TMEM132C: variants seen among roughly 807,000 people sequenced by gnomAD.
TMEM132C encodes the protein transmembrane protein 132C.
In TMEM132C, 29 loss-of-function variants were observed where a neutral mutation model predicts 61.4. The observed-to-expected ratio is 0.47, with a 90% CI of 0.35 to 0.64. The LOEUF is 0.64. Among genes scored for constraint, TMEM132C ranks in the 30% least tolerant of loss-of-function variants. The pLI, the probability that TMEM132C is intolerant of heterozygous loss-of-function variation, is 0.00. For synonymous variants in TMEM132C, 656 were observed against 633.1 expected (o/e 1.04, Z -0.54); for missense variants, 1,408 against 1,476.9 (o/e 0.95, Z 0.76).
intron 3 of TMEM132C, among the ~76,000 whole-genome samples, chr12:128,577,063 C>T (rs1171330339): frequency 6.6e-6 from 1 of 152,162 alleles, no homozygotes; most frequent in African/African-American, 2.4e-5. Flanking sequence ...ACCCCATATC[C>T]ACTAGCAGGC....
At chr12:128,363,315 C>T (rs145741158) in intron 1 of TMEM132C, among the ~76,000 whole-genome samples, 2 of 152,246 alleles carry the variant, frequency 1.3e-5, no homozygotes, top group African/African-American at 4.8e-5. Flanking sequence ...CACTCCACTT[C>T]AACGACTTAA....
intron 2 of TMEM132C, among the ~76,000 whole-genome samples, chr12:128,531,642 G>A (rs1873310074): frequency 6.6e-6 from 1 of 152,256 alleles, no homozygotes; most frequent in Non-Finnish European, 1.5e-5. Context: ...ACTTCTCTTA[G>A]GAAGTTGCAG....
rs780629900 is a variant in TMEM132C, at chr12:128,698,465, G to C, written c.2121+1050G>C. ...CCCAGATGGTATCACAGCTGTGTCC[G>C]TTACCACCTATGTAACCTCAGGCAA... On this transcript the variant is annotated intron_variant, in intron 8 of 8. Transcript: ENST00000435159. Among the ~76,000 whole-genome samples, 3 of 152,282 alleles carry C rather than the reference G, an allele frequency of 2.0e-5. No individual in the cohort carries two copies. The South Asian group carries it at 6.2e-4, about 32-fold the overall frequency.
intron 4 of TMEM132C, among the ~76,000 whole-genome samples, chr12:128,662,763 A>T (rs1257909341): frequency 6.6e-5 from 10 of 151,980 alleles, no homozygotes; most frequent in Non-Finnish European, 1.3e-4. Flanking sequence ...CCTTTTTATT[A>T]ACTACTACCT....
chr12:128,396,276 C>T (rs537644280), intron 1 of TMEM132C, among the ~76,000 whole-genome samples: 11 of 152,130 alleles, frequency 7.2e-5, no homozygotes, highest in Middle Eastern at 3.4e-3. Context: ...TTCTCCTTTC[C>T]AACTGCTTCC....
At chr12:128,439,913 A>T (rs777871248) in intron 2 of TMEM132C, among the ~76,000 whole-genome samples, 3 of 152,152 alleles carry the variant, frequency 2.0e-5, no homozygotes, top group Non-Finnish European at 4.4e-5. Context: ...GTCATATGGG[A>T]TTGTACCCTT....
intron 2 of TMEM132C, among the ~76,000 whole-genome samples, chr12:128,541,957 C>G (rs901550717): frequency 1.3e-5 from 2 of 152,202 alleles, no homozygotes; most frequent in African/African-American, 4.8e-5. Context: ...CAGGCACCCC[C>G]AGTTCCCCAC....
At chr12:128,616,972 G>T (rs1032131646) in intron 4 of TMEM132C, among the ~76,000 whole-genome samples, 3 of 152,194 alleles carry the variant, frequency 2.0e-5, no homozygotes, top group Admixed American at 6.5e-5. Flanking sequence ...AGGATTATAA[G>T]AAAATGGATT....
intron 1 of TMEM132C, among the ~76,000 whole-genome samples, chr12:128,332,072 A>G (rs1872678256): frequency 6.6e-6 from 1 of 152,192 alleles, no homozygotes. Context: ...TATGGGACAT[A>G]TGATGATGCC....
intron 2 of TMEM132C, among the ~76,000 whole-genome samples, chr12:128,487,195 GGT>G: frequency 6.6e-6 from 1 of 152,226 alleles, no homozygotes; most frequent in East Asian, 1.9e-4. Flanking sequence ...GTGCCCCGCC[GGT>G]GTCTGGTTCC....
chr12:128,504,985 G>T (rs982760187), intron 2 of TMEM132C, among the ~76,000 whole-genome samples: 1 of 151,694 alleles, frequency 6.6e-6, no homozygotes, highest in Non-Finnish European at 1.5e-5. Flanking sequence ...ACTACTTTAC[G>T]TAGTAAGTAA....
Position 128,402,516 on chromosome 12 carries a change from C to T in TMEM132C, c.86-12216C>T, listed in dbSNP as rs114090332. On this transcript the variant is annotated intron_variant, in intron 1 of 8. Coordinates refer to ENST00000435159, the MANE Select transcript of TMEM132C (RefSeq NM_001136103.3). ...AATACATATGTGTTGTTTTAAATGGCTAAGTTTGTAGTAATTCGTTCCAGC... is the reference window on the plus strand; with the variant it reads ...AATACATATGTGTTGTTTTAAATGGTTAAGTTTGTAGTAATTCGTTCCAGC... Among the ~76,000 whole-genome samples, 1,289 of 152,264 alleles carry T rather than the reference C, an allele frequency of 8.5e-3. 12 individuals carry two copies. Among genetic ancestry groups the T allele is most frequent in the African/African-American group, 0.027 (1,133 of 41,542 alleles).
intron 5 of TMEM132C, among the ~76,000 whole-genome samples, chr12:128,672,279 G>A (rs1954539794): frequency 6.6e-6 from 1 of 151,968 alleles, no homozygotes; most frequent in Non-Finnish European, 1.5e-5. Context: ...TTGGTCACTG[G>A]CCTTTGTCAC....
intron 1 of TMEM132C, among the ~76,000 whole-genome samples, chr12:128,348,329 AT>A (rs1873236311): frequency 6.6e-6 from 1 of 152,178 alleles, no homozygotes; most frequent in South Asian, 2.1e-4. Flanking sequence ...ATTTTTCTTT[AT>A]GGATTCCTTA....
intron 1 of TMEM132C, among the ~76,000 whole-genome samples, chr12:128,396,302 A>C (rs911635151): frequency 1.3e-4 from 20 of 152,176 alleles, no homozygotes; most frequent in Non-Finnish European, 1.5e-4. Flanking sequence ...ATAGTAAAAA[A>C]ATAATAGGTA....
chr12:128,355,297 G>T (rs993338913), intron 1 of TMEM132C, among the ~76,000 whole-genome samples: 29 of 152,248 alleles, frequency 1.9e-4, no homozygotes, highest in African/African-American at 7.0e-4. Context: ...CTCTCTGCAG[G>T]GTTCAGCATG....
chr12:128,469,722 G>GTATA (rs201870300), intron 2 of TMEM132C, among the ~76,000 whole-genome samples: 2 of 150,922 alleles, frequency 1.3e-5, no homozygotes, highest in African/African-American at 4.9e-5. Flanking sequence ...ATGTGTGTGT[G>GTATA]TATATATATA....
At position 128,267,434 on chromosome 12, in the gene TMEM132C, C is replaced by T. The variant is rs1331017220; in HGVS notation, c.32C>T (p.Ala11Val). 1.6e-6 allele frequency: 2 copies of T among 1,246,952 alleles called. No homozygotes were observed. Among genetic ancestry groups the T allele is most frequent in the Non-Finnish European group, 2.0e-6 (2 of 996,792 alleles). 77.2% of individuals were successfully genotyped at this position (1,246,952 alleles called of 1,614,324 possible). A position where few individuals can be genotyped will look rare whatever the true frequency, so the allele number is the denominator to read the frequency against. The change falls in exon 1 of 9, where the codon GCG (alanine) becomes GTG (valine). Residue 11 changes from alanine to valine, a missense_variant. Transcript: ENST00000435159. MRSEGAAPGP[A>V]APLCGALSLL... ...TCCGAGGGTGCGGCCCCCGGGCCGGCGGCGCCGCTGTGCGGGGCGCTGAGC... is the reference window on the plus strand; with the variant it reads ...TCCGAGGGTGCGGCCCCCGGGCCGGTGGCGCCGCTGTGCGGGGCGCTGAGC...
intron 3 of TMEM132C, among the ~76,000 whole-genome samples, chr12:128,581,249 G>A (rs959885546): frequency 1.3e-5 from 2 of 151,844 alleles, no homozygotes; most frequent in Admixed American, 6.6e-5. Context: ...TCCCCATTCC[G>A]GGAATCTTTT....
Sources: allele counts gnomAD v4.1 joint callset (sites outside exome capture counted in the v4.1 genomes callset), GRCh38; gene constraint gnomAD v4.1.1; transcripts MANE v1.5; gene names NCBI Gene and HGNC (gene_info 2026-07-23, HGNC 2026-07-21).